Variants in MAMDC4 observed in about 807,000 individuals in gnomAD.
MAMDC4 encodes MAM domain containing 4.
A neutral mutation model predicts 153.3 loss-of-function variants in MAMDC4; 168 were observed. The ratio of observed to expected loss-of-function variants is 1.10; its 90% CI spans 0.97 to 1.25. MAMDC4 has a LOEUF of 1.25. Among genes scored for constraint, MAMDC4 ranks in the 50% most tolerant of loss-of-function variants. MAMDC4 has a pLI of 0.00. For synonymous variants in MAMDC4, 744 were observed against 651.5 expected (o/e 1.14, Z -2.16); for missense variants, 1,701 against 1,542.8 (o/e 1.10, Z -1.72).
intron 14 of MAMDC4, 94 bp from the exon 15 acceptor site, chr9:136,856,616 T>G: frequency 8.1e-7 from 1 of 1,237,734 alleles, no homozygotes; most frequent in Non-Finnish European, 1.2e-6. Flanking sequence ...GGTGCTCCCC[T>G]TACACTCCTC....
chr9:136,853,088 C>CA lies in MAMDC4; in HGVS notation c.47-12dup, dbSNP rs1848949094. 3 of 1,610,538 alleles carry CA rather than the reference C, an allele frequency of 1.9e-6. No homozygotes were observed. Among genetic ancestry groups the CA allele is most frequent in the African/African-American group, 1.3e-5 (1 of 74,924 alleles). On this transcript the variant is annotated splice_polypyrimidine_tract_variant and intron_variant, in intron 1 of 26. Coordinates refer to ENST00000317446, the MANE Select transcript of MAMDC4 (RefSeq NM_206920.3). ...CCCTGCCCCCAGGCCACCTGGCTGT[C>CA]AACCTCCCAGCAGCAGGGTCCTCAG...
chr9:136,858,489 G>T lies in MAMDC4; in HGVS notation c.2764G>T (p.Ala922Ser), dbSNP rs1849040599. Residue 922 changes from alanine to serine, a missense_variant, in exon 22 of 27, where the codon GCC (alanine) becomes TCC (serine). Transcript: ENST00000317446. ...GGYSWDWGGG[A>S]TPSRYPQPPV... ...ATACAGCTGGGACTGGGGCGGGGGA[G>T]CCACCCCCTCTCGTTACCCCCAGCC... The T allele has an allele frequency of 1.2e-6, 2 of 1,608,322 alleles. No individual in the cohort carries two copies. Among genetic ancestry groups the T allele is most frequent in the Non-Finnish European group, 1.7e-6 (2 of 1,178,942 alleles).
chr9:136,853,630 C>G lies in MAMDC4; in HGVS notation c.414C>G (p.Ser138=), dbSNP rs762799264. ...CGCCAACCCTGCGAGAGGCAGCCTC[C>G]TCTTGCAAGCTGAGGCTCTGGTACC... ...LRSPTLREAA[S]SCKLRLWYHA... Residue 138 remains serine, a synonymous_variant, in exon 4 of 27, where the codon TCC becomes TCG. Transcript: ENST00000317446. 5 of 1,612,300 alleles carry G rather than the reference C, an allele frequency of 3.1e-6. No individual in the cohort carries two copies. In the South Asian group the frequency reaches 4.4e-5, roughly 14 times the overall value.
In MAMDC4 at chr9:136,853,809, G is replaced by C; in HGVS notation, c.487G>C (p.Gly163Arg). 1 of 1,612,052 alleles carries C rather than the reference G, an allele frequency of 6.2e-7. No homozygotes were observed. Among genetic ancestry groups the C allele is most frequent in the Non-Finnish European group, 8.5e-7 (1 of 1,179,622 alleles). ...TGAACTGCGGGTGGAGCTGACCCAT[G>C]GCGCAGAGACCCTGACCCTGTGGCA... is the stretch of plus-strand genomic sequence containing the variant. ...VAELRVELTH[G>R]AETLTLWQST... The change falls in exon 5 of 27, where the codon GGC becomes CGC. Residue 163 changes from glycine to arginine, a missense_variant. Physicochemically the swap from Gly to Arg is moderately radical, Grantham distance 125. Coordinates refer to ENST00000317446, the MANE Select transcript of MAMDC4 (RefSeq NM_206920.3).
chr9:136,852,966 C>G, intron 1 of MAMDC4, 136 bp from the exon 2 acceptor site: 1 of 709,652 alleles, frequency 1.4e-6, no homozygotes, highest in East Asian at 2.7e-5. Flanking sequence ...GGTCCCAGCC[C>G]CTCCCTGCTC....
intron 16 of MAMDC4, 48 bp downstream of exon 16, chr9:136,857,089 G>A (rs878950454): frequency 1.2e-6 from 2 of 1,603,220 alleles, no homozygotes; most frequent in Non-Finnish European, 8.5e-7. Context: ...GGCCCCCGGG[G>A]GTTCAGAGTC....
In MAMDC4 at chr9:136,857,166, G is replaced by T. The variant is rs777481902; in HGVS notation, c.1974G>T (p.Gly658=). 1 of 1,612,348 alleles carries T rather than the reference G, an allele frequency of 6.2e-7. No homozygotes were observed. The highest frequency in any genetic ancestry group is 1.3e-5 in the African/African-American group (1 of 74,920). ...TATGGACTGGTCCCCTCCCTGCAGG[G>T]ACTCTGCGCCTAGCCATGAGACGGG... ...FWYHLHGPQI[G]TLRLAMRREG... is the part of the protein sequence containing the mutation. The change falls in exon 17 of 27, where the codon GGG becomes GGT. Residue 658 remains glycine, a splice_region_variant and synonymous_variant. Transcript: ENST00000317446.
Position 136,857,445 on chromosome 9 carries a change from T to C in MAMDC4, c.2185T>C (p.Trp729Arg), listed in dbSNP as rs1389885991. 6.2e-7 allele frequency: 1 copy of C among 1,608,510 alleles called. No homozygotes were observed. Residue 729 changes from tryptophan (W) to arginine (R), a missense_variant, in exon 18 of 27, where the codon TGG becomes CGG. Transcript: ENST00000317446. ...DDVAVRPGPC[W>R]APNYCSFEDS... The stretch of plus-strand genomic sequence containing the variant: ...TGTGGCCGTGCGGCCGGGCCCCTGC[T>C]GGGCCCCTAATTACTGCTCCTTTGA...
In MAMDC4 at chr9:136,858,507, C is replaced by T; in HGVS notation, c.2782C>T (p.Pro928Ser). ...CGGGGGAGCCACCCCCTCTCGTTAC[C>T]CCCAGCCCCCTGTGGACCACACCCT... ...WGGGATPSRYPQPPVDHTLGT... is the reference protein window; with the variant it reads ...WGGGATPSRYSQPPVDHTLGT... Residue 928 changes from proline (P) to serine (S), a missense_variant, in exon 22 of 27, where the codon CCC becomes TCC. Transcript: ENST00000317446. 1 of 1,602,920 alleles carries T rather than the reference C, an allele frequency of 6.2e-7. No individual in the cohort carries two copies. The highest frequency in any genetic ancestry group is 8.5e-7 in the Non-Finnish European group (1 of 1,175,852).
In MAMDC4 at chr9:136,854,791, G is replaced by A; in HGVS notation, c.964G>A (p.Gly322Ser). The A allele has an allele frequency of 1.2e-6, 2 of 1,612,822 alleles. No individual in the cohort carries two copies. The highest frequency in any genetic ancestry group is 1.7e-6 in the Non-Finnish European group (2 of 1,179,866). The change falls in exon 9 of 27, where the codon GGC becomes AGC. Residue 322 changes from glycine (G) to serine (S), a missense_variant. Physicochemically the swap from Gly to Ser is moderately conservative, Grantham distance 56 (BLOSUM62 0). Transcript: ENST00000317446. ...CTTCCTGGTCTCCGTGGCCGAGCCT[G>A]GCACCCCTGCTATACTCTCCAGCCC... Reference protein sequence around the residue: ...GSFLVSVAEPGTPAILSSPEF... With the variant: ...GSFLVSVAEPSTPAILSSPEF...
intron 26 of MAMDC4, among the ~76,000 whole-genome samples, 161 bp downstream of exon 26, chr9:136,860,225 GCTC>G (rs1341081682): frequency 2.0e-5 from 3 of 152,136 alleles, no homozygotes; most frequent in African/African-American, 7.2e-5. Context: ...CACTGTCAAA[GCTC>G]CTCCTCCTTG....
intron 26 of MAMDC4, 87 bp from the exon 27 acceptor site, chr9:136,860,475 C>T (rs979027096): frequency 1.4e-5 from 20 of 1,400,110 alleles, no homozygotes; most frequent in South Asian, 3.7e-5. Context: ...GAGCGAAGAT[C>T]GTGCCATTGC....
At chr9:136,854,706 C>T (rs1848977613) in intron 8 of MAMDC4, 30 bp downstream of exon 8, 1 of 1,611,960 alleles carries the variant, frequency 6.2e-7, no homozygotes, top group South Asian at 1.1e-5. Flanking sequence ...CGGCCCAGGC[C>T]CTGCCCACGC....
In MAMDC4 at chr9:136,857,576, G is replaced by A. The variant is rs1233583403; in HGVS notation, c.2316G>A (p.Glu772=). The change falls in exon 18 of 27, where the codon GAG becomes GAA. Residue 772 remains glutamate, a synonymous_variant. Coordinates refer to ENST00000317446, the MANE Select transcript of MAMDC4 (RefSeq NM_206920.3). The part of the protein sequence containing the change: ...AWGPPTDHTT[E]TAQGHYMVVD... ...GCCCCCCAACAGACCATACCACTGAGACAGCCCAAGGTATGGGGGCCTGGC... is the reference window on the plus strand; with the variant it reads ...GCCCCCCAACAGACCATACCACTGAAACAGCCCAAGGTATGGGGGCCTGGC... 5 of 1,612,414 alleles carry A rather than the reference G, an allele frequency of 3.1e-6. No individual in the cohort carries two copies. The highest frequency in any genetic ancestry group is 4.2e-6 in the Non-Finnish European group (5 of 1,179,958).
At position 136,860,718 on chromosome 9, in the gene MAMDC4, A is replaced by G. The variant is rs1043013633; in HGVS notation, c.*115A>G. 2.6e-6 allele frequency: 3 copies of G among 1,167,872 alleles called. No homozygotes were observed. Among genetic ancestry groups the G allele is most frequent in the East Asian group, 2.4e-5 (1 of 40,948 alleles). The allele number at this position is 1,167,872 out of a possible 1,614,324, so 72.3% of individuals were successfully genotyped here. ...TGGGACAGGCTGCAGGTCTCAGGAT[A>G]TGCTGAGGCCTGGGCGTTCCCTGCC... On this transcript the variant is annotated 3_prime_UTR_variant, in exon 27 of 27. Transcript: ENST00000317446.
rs1365846535 is a variant in MAMDC4, at chr9:136,859,211, C to T, written c.3087C>T (p.Ile1029=). 6 of 1,610,350 alleles carry T rather than the reference C, an allele frequency of 3.7e-6. No homozygotes were observed. Among genetic ancestry groups the T allele is most frequent in the Middle Eastern group, 1.6e-4 (1 of 6,070 alleles). ...VEVASAKEFQ[I]VFEATLGGQP... is the part of the protein sequence containing the mutation. ...AAACTCCTTTCCTTCTCCATCAGAT[C>T]GTGTTTGAAGCCACTCTGGGCGGCC... Residue 1029 remains isoleucine, a splice_region_variant and synonymous_variant, in exon 25 of 27, where the codon ATC becomes ATT. Transcript: ENST00000317446.
At position 136,857,045 on chromosome 9, in the gene MAMDC4, A is replaced by G; in HGVS notation, c.1972+4A>G. ...CACCTCCATGGGCCCCAGATTGGTG[A>G]GTGGACCTGGAAACAGGGCAGAGCC... is the stretch of plus-strand genomic sequence containing the variant. On this transcript the variant is annotated splice_donor_region_variant and intron_variant, in intron 16 of 26. Transcript: ENST00000317446. 6.2e-7 allele frequency: 1 copy of G among 1,609,984 alleles called. No individual in the cohort carries two copies. The highest frequency in any genetic ancestry group is 8.5e-7 in the Non-Finnish European group (1 of 1,178,178).
chr9:136,859,982 G>T lies in MAMDC4; in HGVS notation c.3290G>T (p.Trp1097Leu). The part of the protein sequence containing the change: ...LVLLGLGGRR[W>L]LQKKGSCPFQ... ...CTGCTGGGACTTGGGGGACGGCGCT[G>T]GCTGCAGAAGAAGGGGAGCTGCCCC... Residue 1097 changes from tryptophan to leucine, a missense_variant, in exon 26 of 27, where the codon TGG becomes TTG. Physicochemically the swap from Trp to Leu is moderately conservative, Grantham distance 61 (BLOSUM62 -2). Transcript: ENST00000317446. The T allele has an allele frequency of 6.2e-7, 1 of 1,612,798 alleles. No individual in the cohort carries two copies.
In MAMDC4 at chr9:136,857,815, G is replaced by A. The variant is rs757405675; in HGVS notation, c.2464+19G>A. 1.9e-6 allele frequency: 3 copies of A among 1,608,652 alleles called. No homozygotes were observed. Among genetic ancestry groups the A allele is most frequent in the South Asian group, 1.1e-5 (1 of 90,604 alleles). On this transcript the variant is annotated intron_variant, in intron 19 of 26. Coordinates refer to ENST00000317446, the MANE Select transcript of MAMDC4 (RefSeq NM_206920.3). ...AGCCCAGGTGAGGGGCTTTGGGAGGGGGCCCCAGTGGGCTCAGGGAAGCTT... is the reference window on the plus strand; with the variant it reads ...AGCCCAGGTGAGGGGCTTTGGGAGGAGGCCCCAGTGGGCTCAGGGAAGCTT...
Sources: gnomAD v4.1 joint callset for allele counts (sites outside exome capture counted in the v4.1 genomes callset) on GRCh38, gnomAD v4.1.1 for gene constraint, MANE v1.5 for transcripts, NCBI Gene and HGNC (gene_info 2026-07-23, HGNC 2026-07-21) for gene names.